Variants in NSD1 observed in about 807,000 individuals in gnomAD.
The protein encoded by NSD1 is histone-lysine N-methyltransferase, H3 lysine-36 specific.
A neutral mutation model predicts 242.7 loss-of-function variants in NSD1; 26 were observed. The ratio of observed to expected loss-of-function variants is 0.11; its 90% CI spans 0.08 to 0.15. The LOEUF (loss-of-function observed/expected upper bound fraction) is 0.15, where lower values mean the gene tolerates loss of function less well. Among genes scored for constraint, NSD1 ranks in the 10% least tolerant of loss-of-function variants. The pLI is 1.00. For synonymous variants in NSD1, 1,106 were observed against 1,178.1 expected (o/e 0.94, Z 1.25); for missense variants, 2,495 against 3,272.8 (o/e 0.76, Z 5.80).
Position 177,251,744 on chromosome 5 carries a change from G to A in NSD1, c.4656G>A (p.Leu1552=), listed in dbSNP as rs150030261. The part of the protein sequence containing the change: ...KENVCQNCEK[L]GELLLCEAQC... ...TCTCTTAACAGAATTGTGAAAAATTGGGTGAGCTGCTGTTATGTGAGGCTC... is the reference window on the plus strand; with the variant it reads ...TCTCTTAACAGAATTGTGAAAAATTAGGTGAGCTGCTGTTATGTGAGGCTC... The change falls in exon 12 of 23, where the codon TTG becomes TTA. Residue 1552 remains leucine (L), a synonymous_variant. Coordinates refer to ENST00000439151, the MANE Select transcript of NSD1 (RefSeq NM_022455.5). 3 of 1,614,154 alleles carry A rather than the reference G, an allele frequency of 1.9e-6. No homozygotes were observed. The highest frequency in any genetic ancestry group is 2.5e-6 in the Non-Finnish European group (3 of 1,180,010).
At chr5:177,221,318 A>T (rs1764218093) in intron 5 of NSD1, among the ~76,000 whole-genome samples, 2 of 147,270 alleles carry the variant, frequency 1.4e-5, no homozygotes, top group Admixed American at 6.7e-5. Context: ...TTTTTAATTG[A>T]CATACTTTGT....
At chr5:177,277,199 A>G (rs757869834) in intron 17 of NSD1, among the ~76,000 whole-genome samples, 2 of 151,272 alleles carry the variant, frequency 1.3e-5, no homozygotes, top group Non-Finnish European at 2.9e-5. Flanking sequence ...ACTATGGTTC[A>G]TGGGCAAATG....
chr5:177,169,443 G>T, intron 2 of NSD1: 1 of 157,154 alleles, frequency 6.4e-6, no homozygotes, highest in South Asian at 1.8e-4. Context: ...GTTGTAATAG[G>T]ATCAGCTTCG....
intron 17 of NSD1, among the ~76,000 whole-genome samples, chr5:177,276,674 C>A (rs1317725366): frequency 6.6e-6 from 1 of 151,962 alleles, no homozygotes; most frequent in Admixed American, 6.6e-5. Context: ...GATGATTTCA[C>A]TATGTTGCCT....
chr5:177,148,269 C>T (rs576780563), intron 2 of NSD1, among the ~76,000 whole-genome samples: 36 of 151,894 alleles, frequency 2.4e-4, no homozygotes, highest in African/African-American at 8.7e-4. Flanking sequence ...AGGTGTCAAC[C>T]ACCACACCCA....
At chr5:177,167,427 TG>T (rs1179202877) in intron 2 of NSD1, among the ~76,000 whole-genome samples, 1 of 151,806 alleles carries the variant, frequency 6.6e-6, no homozygotes, top group Admixed American at 6.6e-5. Flanking sequence ...CCCAGCTACT[TG>T]GGAGGCTGAG....
intron 2 of NSD1, among the ~76,000 whole-genome samples, chr5:177,158,249 C>CT (rs151289055): frequency 0.1 from 7,744 of 74,066 alleles, 356 homozygotes; most frequent in East Asian, 0.36. Flanking sequence ...TTCTTTCTTT[C>CT]TTTCTTTCTT....
intron 11 of NSD1, 145 bp downstream of exon 11, chr5:177,248,469 C>A (rs1766473869): frequency 2.7e-6 from 3 of 1,093,116 alleles, no homozygotes; most frequent in African/African-American, 1.6e-5. Context: ...AGGATTTGAC[C>A]CCTTTTTTTC....
intron 2 of NSD1, among the ~76,000 whole-genome samples, chr5:177,156,809 G>C (rs2149783606): frequency 6.6e-6 from 1 of 152,190 alleles, no homozygotes; most frequent in East Asian, 1.9e-4. Flanking sequence ...GGGGCGGGCA[G>C]ATCTTCTGAG....
intron 3 of NSD1, among the ~76,000 whole-genome samples, chr5:177,196,491 A>G (rs1010278774): frequency 6.6e-6 from 1 of 152,336 alleles, no homozygotes; most frequent in South Asian, 2.1e-4. Context: ...GCATTGGATA[A>G]TGTTGACTGA....
At chr5:177,186,576 AG>A (rs1308657549) in intron 2 of NSD1, among the ~76,000 whole-genome samples, 1 of 152,202 alleles carries the variant, frequency 6.6e-6, no homozygotes, top group Non-Finnish European at 1.5e-5. Context: ...TTTTGGCTCA[AG>A]AGCCACTTCT....
chr5:177,136,925 C>A (rs562677696), intron 2 of NSD1: 11 of 700,728 alleles, frequency 1.6e-5, no homozygotes, highest in African/African-American at 1.0e-4. Flanking sequence ...TGGGCTCATT[C>A]GATCCTCCTG....
At chr5:177,266,990 G>A (rs866514690) in intron 14 of NSD1, among the ~76,000 whole-genome samples, 1 of 152,090 alleles carries the variant, frequency 6.6e-6, no homozygotes, top group Non-Finnish European at 1.5e-5. Flanking sequence ...TTAGCCTCCC[G>A]AGTAGCTGGG....
chr5:177,299,379 C>T lies in NSD1; in HGVS notation c.*3920C>T, dbSNP rs767561948. 1.9e-4 allele frequency: 44 copies of T among 233,154 alleles called. 1 individual carries two copies. Among genetic ancestry groups the T allele is most frequent in the Non-Finnish European group, 3.5e-4 (41 of 118,052 alleles). The allele number at this position is 233,154 out of a possible 1,614,324, so 14.4% of individuals were successfully genotyped here. A position where few individuals can be genotyped will look rare whatever the true frequency, so the allele number is the denominator to read the frequency against. On this transcript the variant is annotated 3_prime_UTR_variant, in exon 23 of 23. Coordinates refer to ENST00000439151, the MANE Select transcript of NSD1 (RefSeq NM_022455.5). ...CAACCCTGGAGTGGCCCAGTGCAAT[C>T]CAGAGGTGGAAGAGATCCTATATCC...
Position 177,295,025 on chromosome 5 carries a change from A to G in NSD1, c.7657A>G (p.Thr2553Ala). 6.2e-7 allele frequency: 1 copy of G among 1,614,148 alleles called. No homozygotes were observed. The highest frequency in any genetic ancestry group is 8.5e-7 in the Non-Finnish European group (1 of 1,180,020). Residue 2553 changes from threonine to alanine, a missense_variant, in exon 23 of 23, where the codon ACT becomes GCT. Physicochemically the swap from Thr to Ala is moderately conservative, Grantham distance 58. This residue lies in a region of NSD1 where 475 missense variants were observed against 563.7 expected (regional missense o/e 0.84). Coordinates refer to ENST00000439151, the MANE Select transcript of NSD1 (RefSeq NM_022455.5). The surrounding 1 kb of genome is among the most constrained non-coding windows in gnomAD (Gnocchi z 4.3). ...PAKAFLYEPT[T>A]QASGRASAGA... ...CAAGGCCTTTTTATATGAGCCAACA[A>G]CTCAGGCCTCAGGAAGAGCTTCTGC...
chr5:177,213,028 T>TGTA (rs1427305802), intron 5 of NSD1, among the ~76,000 whole-genome samples: 1 of 152,228 alleles, frequency 6.6e-6, no homozygotes, highest in Non-Finnish European at 1.5e-5. Flanking sequence ...GCAAGTATTC[T>TGTA]GTAGTACTTA....
At chr5:177,255,239 A>G (rs1489299797) in intron 12 of NSD1, among the ~76,000 whole-genome samples, 1 of 151,110 alleles carries the variant, frequency 6.6e-6, no homozygotes, top group Non-Finnish European at 1.5e-5. Context: ...CAGGAGGTGG[A>G]GGTTGCAGTG....
chr5:177,237,031 C>T (rs978880599), intron 6 of NSD1, among the ~76,000 whole-genome samples: 4 of 151,978 alleles, frequency 2.6e-5, no homozygotes, highest in Non-Finnish European at 4.4e-5. Flanking sequence ...TTTGTAGAGG[C>T]GGTGTCCCAC....
chr5:177,206,191 G>A (rs1390259378), intron 4 of NSD1, among the ~76,000 whole-genome samples: 1 of 152,042 alleles, frequency 6.6e-6, no homozygotes, highest in Non-Finnish European at 1.5e-5. Flanking sequence ...GTAGAGACAG[G>A]GTTTCACCAT....
Sources: allele counts gnomAD v4.1 joint callset (sites outside exome capture counted in the v4.1 genomes callset), GRCh38; gene constraint gnomAD v4.1.1; regional missense constraint gnomAD v4.1.1; non-coding constraint Gnocchi (gnomAD v3.1); transcripts MANE v1.5; gene names NCBI Gene and HGNC (gene_info 2026-07-23, HGNC 2026-07-21).